The following CSMD1 variants were observed in gnomAD, a reference collection of about 807,000 sequenced individuals.
CSMD1 encodes the protein CUB and sushi domain-containing protein 1.
A neutral mutation model predicts 417.5 loss-of-function variants in CSMD1; 213 were observed. The observed-to-expected ratio is 0.51, with a 90% CI of 0.46 to 0.57. The LOEUF (loss-of-function observed/expected upper bound fraction) is 0.57. Ranked by LOEUF, CSMD1 falls within the 20% of genes least tolerant of loss-of-function variation. CSMD1 has a pLI of 0.00. For missense variants in CSMD1, 6,923 were observed against 4,529.7 expected, an observed-to-expected ratio of 1.53 and a Z score of -15.17; for synonymous variants, 2,862 against 1,736.8, an observed-to-expected ratio of 1.65 and a Z score of -16.11.
chr8:3,184,226 C>A (rs940066495), intron 36 of CSMD1, among the ~76,000 whole-genome samples: 1 of 152,158 alleles, frequency 6.6e-6, no homozygotes, highest in Admixed American at 6.5e-5. Context: ...TTTCCTATTT[C>A]TATTCATTCA....
intron 25 of CSMD1, among the ~76,000 whole-genome samples, chr8:3,289,722 A>G (rs1464162130): frequency 6.8e-6 from 1 of 147,308 alleles, no homozygotes; most frequent in Non-Finnish European, 1.5e-5. Flanking sequence ...GATTCTGGAT[A>G]TTAGCCCTTT....
chr8:3,669,243 A>T (rs1017612759), intron 7 of CSMD1, among the ~76,000 whole-genome samples: 3 of 152,228 alleles, frequency 2.0e-5, no homozygotes, highest in African/African-American at 7.2e-5. Context: ...AGCACACTGC[A>T]TCAATCTGAG....
At chr8:3,202,436 A>C (rs1252427944) in intron 31 of CSMD1, among the ~76,000 whole-genome samples, 1 of 152,182 alleles carries the variant, frequency 6.6e-6, no homozygotes, top group African/African-American at 2.4e-5. Flanking sequence ...CAGGTTATGA[A>C]AGGTGTGTGA....
At chr8:4,214,738 T>G (rs954661702) in intron 3 of CSMD1, among the ~76,000 whole-genome samples, 4 of 152,192 alleles carry the variant, frequency 2.6e-5, no homozygotes, top group African/African-American at 9.7e-5. Context: ...GAACTACATA[T>G]TCCCATATTT....
intron 5 of CSMD1, among the ~76,000 whole-genome samples, chr8:3,872,693 C>A (rs1805556471): frequency 6.6e-6 from 1 of 152,038 alleles, no homozygotes; most frequent in Non-Finnish European, 1.5e-5. Context: ...GAGCCTCGTG[C>A]TACTTAGAAG....
chr8:4,695,387 C>T (rs1049698989), intron 1 of CSMD1, among the ~76,000 whole-genome samples: 3 of 152,258 alleles, frequency 2.0e-5, no homozygotes, highest in East Asian at 1.9e-4. Context: ...GTTATTTACA[C>T]GCATATTACT....
intron 3 of CSMD1, among the ~76,000 whole-genome samples, chr8:4,198,653 G>A (rs1490584984): frequency 2.0e-5 from 3 of 152,122 alleles, no homozygotes; most frequent in East Asian, 3.9e-4. Flanking sequence ...TATCAACATA[G>A]CTTGCCTTTT....
chr8:4,797,884 C>T (rs997574168), intron 1 of CSMD1, among the ~76,000 whole-genome samples: 6 of 152,156 alleles, frequency 3.9e-5, no homozygotes, highest in African/African-American at 1.4e-4. Context: ...CGAAAATCAT[C>T]TTAAATACTT....
intron 3 of CSMD1, among the ~76,000 whole-genome samples, chr8:4,183,967 G>A (rs558596301): frequency 1.8e-4 from 28 of 152,250 alleles, no homozygotes; most frequent in African/African-American, 6.5e-4. Flanking sequence ...AACACAGAAG[G>A]AAAATTCTCA....
intron 4 of CSMD1, among the ~76,000 whole-genome samples, chr8:4,024,683 G>T (rs544416128): frequency 6.6e-6 from 1 of 152,144 alleles, no homozygotes; most frequent in Non-Finnish European, 1.5e-5. Flanking sequence ...CTGCATAAAT[G>T]TGACTTGTGG....
At chr8:4,977,226 C>T (rs532587734) in intron 1 of CSMD1, among the ~76,000 whole-genome samples, 17 of 152,284 alleles carry the variant, frequency 1.1e-4, no homozygotes, top group Middle Eastern at 3.4e-3. Context: ...ATATTCCCTT[C>T]AATAAAAGCC....
intron 38 of CSMD1, among the ~76,000 whole-genome samples, chr8:3,159,885 T>C (rs1361287696): frequency 6.6e-6 from 1 of 152,222 alleles, no homozygotes; most frequent in South Asian, 2.1e-4. Flanking sequence ...TAATATCATT[T>C]ATAAAAGAAC....
intron 49 of CSMD1, among the ~76,000 whole-genome samples, chr8:3,078,788 A>C (rs1375191273): frequency 6.6e-6 from 1 of 152,162 alleles, no homozygotes; most frequent in African/African-American, 2.4e-5. Flanking sequence ...TTACCTAAAC[A>C]CTGCTGCCTT....
At chr8:4,721,706 T>C (rs576415895) in intron 1 of CSMD1, among the ~76,000 whole-genome samples, 40 of 152,108 alleles carry the variant, frequency 2.6e-4, no homozygotes, top group Non-Finnish European at 5.6e-4. Flanking sequence ...CCCTGTTGTA[T>C]CTAAAACCAA....
At chr8:4,930,756 G>C (rs910189966) in intron 1 of CSMD1, among the ~76,000 whole-genome samples, 4 of 152,166 alleles carry the variant, frequency 2.6e-5, no homozygotes, top group Middle Eastern at 3.2e-3. Flanking sequence ...CCAGGTGCTA[G>C]AAAGTGTTAA....
At chr8:3,475,428 G>T (rs762159359) in intron 11 of CSMD1, among the ~76,000 whole-genome samples, 15 of 152,152 alleles carry the variant, frequency 9.9e-5, no homozygotes, top group Non-Finnish European at 1.9e-4. Context: ...AAATTTTATA[G>T]GAATATTTCC....
At chr8:3,146,080 A>C (rs1262295017) in intron 40 of CSMD1, among the ~76,000 whole-genome samples, 1 of 152,212 alleles carries the variant, frequency 6.6e-6, no homozygotes, top group Non-Finnish European at 1.5e-5. Context: ...AATTTATTGA[A>C]CATTCTAAAG....
At chr8:3,169,996 C>T (rs981619911) in intron 37 of CSMD1, among the ~76,000 whole-genome samples, 1 of 152,166 alleles carries the variant, frequency 6.6e-6, no homozygotes, top group Admixed American at 6.5e-5. Flanking sequence ...CCAACTGAGT[C>T]TAAATTGTGC....
At chr8:4,206,166 T>C (rs537459897) in intron 3 of CSMD1, among the ~76,000 whole-genome samples, 1 of 152,282 alleles carries the variant, frequency 6.6e-6, no homozygotes, top group South Asian at 2.1e-4. Flanking sequence ...TCAGAATATA[T>C]GGAAATACAT....
Sources: gnomAD v4.1 joint callset for allele counts (sites outside exome capture counted in the v4.1 genomes callset) on GRCh38, gnomAD v4.1.1 for gene constraint, MANE v1.5 for transcripts, NCBI Gene and HGNC (gene_info 2026-07-23, HGNC 2026-07-21) for gene names.